The following USP24 variants were observed in gnomAD, a reference collection of about 807,000 sequenced individuals.
USP24 encodes ubiquitin specific peptidase 24.
USP24 carries 97 observed loss-of-function variants against 361.6 expected under a neutral mutation model. The ratio of observed to expected loss-of-function variants is 0.27; its 90% CI spans 0.23 to 0.32. USP24 has a LOEUF of 0.32. Ranked by LOEUF, USP24 falls within the 10% of genes least tolerant of loss-of-function variation. The pLI, the probability that USP24 is intolerant of heterozygous loss-of-function variation, is 1.00. For missense variants in USP24, 2,353 were observed against 3,165.6 expected (o/e 0.74, Z 6.16); for synonymous variants, 1,098 against 1,124.6 (o/e 0.98, Z 0.47).
At chr1:55,193,447 G>C (rs556770856) in intron 1 of USP24, among the ~76,000 whole-genome samples, 1 of 152,172 alleles carries the variant, frequency 6.6e-6, no homozygotes, top group South Asian at 2.1e-4. Flanking sequence ...CTTACATATA[G>C]AGGGTAACCT....
Position 55,162,249 on chromosome 1 carries a change from TC to T in USP24, c.942del (p.Ile315PhefsTer4). 6.3e-7 allele frequency: 1 copy of T among 1,590,954 alleles called. No individual in the cohort carries two copies. Among genetic ancestry groups the T allele is most frequent in the South Asian group, 1.2e-5 (1 of 86,006 alleles). On this transcript the variant is annotated frameshift_variant, in exon 8 of 68. Transcript: ENST00000294383. LOFTEE classifies it high-confidence loss of function. ...EDIELGAVSA[L>X]IQPLGVCAEY... ...TCTGCACACACTCCTAAGGGCTGAATCAGTGCTGAGACAGCCTGGAAAAAGA... is the reference window on the plus strand; with the variant it reads ...TCTGCACACACTCCTAAGGGCTGAATAGTGCTGAGACAGCCTGGAAAAAGA...
chr1:55,068,476 T>C lies in USP24; in HGVS notation c.*569A>G, dbSNP rs1644858233. On this transcript the variant is annotated 3_prime_UTR_variant, in exon 68 of 68. Transcript: ENST00000294383. ...CATAGGGTTCTCATCTAGACCCATC[T>C]GAAATTCTATACAAATAGGGAGACA... 6.6e-6 allele frequency: 1 copy of C among 152,510 alleles called. No homozygotes were observed. The highest frequency in any genetic ancestry group is 1.5e-5 in the Non-Finnish European group (1 of 68,276). 9.4% of individuals were successfully genotyped at this position (152,510 alleles called of 1,614,324 possible).
chr1:55,159,538 C>T, intron 9 of USP24, 73 bp downstream of exon 9: 1 of 1,308,956 alleles, frequency 7.6e-7, no homozygotes, highest in East Asian at 2.5e-5. Flanking sequence ...GGTGTGTGAA[C>T]CCTGCTAAGT....
rs776745504 is a variant in USP24, at chr1:55,129,500, G to T, written c.3612C>A (p.Asn1204Lys). ...ACCTCAAACCGCCAGCTTTGAGGAA[G>T]TTTTCACAGAAGGATTTGGCACAGC... ...ARSCAKSFCE[N>K]FLKAGGLSLV... Residue 1204 changes from asparagine to lysine, a missense_variant, in exon 32 of 68, where the codon AAC becomes AAA. Coordinates refer to ENST00000294383, the MANE Select transcript of USP24 (RefSeq NM_015306.3). The T allele has an allele frequency of 3.7e-6, 6 of 1,613,770 alleles. No individual in the cohort carries two copies. Among genetic ancestry groups the T allele is most frequent in the East Asian group, 4.5e-5 (2 of 44,880 alleles).
rs547958262 is a variant in USP24 at position 55,178,391 on chromosome 1, G to A, written c.325-259C>T. 3.7e-4 allele frequency among the ~76,000 whole-genome samples: 56 copies of A among 152,224 alleles called. 1 individual carries two copies. Among genetic ancestry groups the A allele is most frequent in the South Asian group, 3.1e-3 (15 of 4,818 alleles). On this transcript the variant is annotated intron_variant, in intron 1 of 67. Transcript: ENST00000294383. ...TCGTTAAAAATGAACTGTCCAGGCC[G>A]GGCGCAGTGGCTCACACCTGTAATC...
chr1:55,157,164 C>CA, intron 11 of USP24, 92 bp downstream of exon 11: 7 of 1,330,352 alleles, frequency 5.3e-6, no homozygotes, highest in Non-Finnish European at 7.4e-6. Flanking sequence ...AAGACTAATA[C>CA]AGTCAAAGCA....
At chr1:55,200,958 A>G (rs542191454) in intron 1 of USP24, among the ~76,000 whole-genome samples, 12 of 152,360 alleles carry the variant, frequency 7.9e-5, no homozygotes, top group African/African-American at 2.6e-4. Context: ...GCAGAATACC[A>G]AAGTTCAAAT....
In USP24 at chr1:55,157,296, A is replaced by G. The variant is rs770565883; in HGVS notation, c.1302T>C (p.Asp434=). ...ACAGAACTGAGTTTTCAACTAGCCA[A>G]TCTAATAATCTGTCTGTATCTATAG... The part of the protein sequence containing the change: ...KNAIDTDRLL[D]WLVENSVLSI... Residue 434 remains aspartate, a synonymous_variant, in exon 11 of 68, where the codon GAT becomes GAC. Coordinates refer to ENST00000294383, the MANE Select transcript of USP24 (RefSeq NM_015306.3). 11 of 1,602,952 alleles carry G rather than the reference A, an allele frequency of 6.9e-6. No homozygotes were observed. Among genetic ancestry groups the G allele is most frequent in the Admixed American group, 3.5e-5 (2 of 57,426 alleles).
intron 16 of USP24, chr1:55,151,969 T>C: frequency 1.0e-6 from 1 of 985,774 alleles, no homozygotes; most frequent in Non-Finnish European, 1.2e-6. Flanking sequence ...TCAGCCCACC[T>C]TGCTGCCTGG....
intron 5 of USP24, among the ~76,000 whole-genome samples, chr1:55,168,229 T>C (rs1649082841): frequency 1.3e-5 from 2 of 152,062 alleles, no homozygotes; most frequent in Admixed American, 1.3e-4. Context: ...CTTTCCAATC[T>C]GGAAACATGC....
At position 55,097,143 on chromosome 1, in the gene USP24, G is replaced by T; in HGVS notation, c.5745C>A (p.Tyr1915Ter). ...CTTGGCGAGCCATTCCTGAAACTGT[G>T]TAAGGCTCCATGTTTAGCATCCAGG... ...RFPWMLNMEP[Y>*]TVSGMARQDS... The change falls in exon 49 of 68, where the codon TAC (tyrosine) becomes TAA (stop). Residue 1915 changes from tyrosine (Y) to a stop codon, truncating the protein, a stop_gained. Transcript: ENST00000294383. LOFTEE classifies it high-confidence loss of function. 2 of 1,613,908 alleles carry T rather than the reference G, an allele frequency of 1.2e-6. No homozygotes were observed. The highest frequency in any genetic ancestry group is 1.7e-6 in the Non-Finnish European group (2 of 1,179,864).
chr1:55,079,415 GAAAACTTAATTTGA>G, intron 60 of USP24, 109 bp downstream of exon 60: 4 of 1,342,732 alleles, frequency 3.0e-6, no homozygotes, highest in Non-Finnish European at 4.0e-6. Flanking sequence ...TGACATATAA[GAAAACTTAATTTGA>G]AAGAACCATT....
Position 55,209,842 on chromosome 1 carries a change from T to C in USP24, c.324+4948A>G, listed in dbSNP as rs1239169730. Reference sequence around the variant, plus strand: ...CAGATTTCAGATTCTACTAAATCTTTTTTAACATTTTCTTATTAAAAGTAA... The same window carrying C: ...CAGATTTCAGATTCTACTAAATCTTCTTTAACATTTTCTTATTAAAAGTAA... On this transcript the variant is annotated intron_variant, in intron 1 of 67. Transcript: ENST00000294383. Among the ~76,000 whole-genome samples, 5 of 152,298 alleles carry C rather than the reference T, an allele frequency of 3.3e-5. No individual in the cohort carries two copies. In the East Asian group the frequency reaches 9.7e-4, roughly 29 times the overall value.
At chr1:55,125,848 C>A in intron 32 of USP24, 90 bp from the exon 33 acceptor site, 1 of 1,053,614 alleles carries the variant, frequency 9.5e-7, no homozygotes, top group South Asian at 1.6e-5. Context: ...CAGTCATCAT[C>A]AATTACTTAG....
In USP24 at chr1:55,146,975, C is replaced by T; in HGVS notation, c.2204G>A (p.Trp735Ter). 1 of 1,611,452 alleles carries T rather than the reference C, an allele frequency of 6.2e-7. No individual in the cohort carries two copies. The highest frequency in any genetic ancestry group is 8.5e-7 in the Non-Finnish European group (1 of 1,178,716). Reference protein sequence around the residue: ...YLGWNRAKEIWECLVTGQDVC... With the variant: ...YLGWNRAKEI ...ATCCTGGCCAGTTACAAGACACTCC[C>T]AGATCTCCTTGGCACGATTCCAGCC... The change falls in exon 19 of 68, where the codon TGG becomes TAG. Residue 735 changes from tryptophan (W) to a stop codon, truncating the protein, a stop_gained. Transcript: ENST00000294383. LOFTEE classifies it high-confidence loss of function.
rs2100606937 is a variant in USP24 at position 55,123,512 on chromosome 1, G to A, written c.4211C>T (p.Ser1404Leu). 1.9e-6 allele frequency: 3 copies of A among 1,604,292 alleles called. No homozygotes were observed. Among genetic ancestry groups the A allele is most frequent in the East Asian group, 2.2e-5 (1 of 44,546 alleles). Residue 1404 changes from serine to leucine, a missense_variant, in exon 36 of 68, where the codon TCG (serine) becomes TTG (leucine). This residue lies in a region of USP24 where 949 missense variants were observed against 1,280.5 expected (regional missense o/e 0.74). Coordinates refer to ENST00000294383, the MANE Select transcript of USP24 (RefSeq NM_015306.3). Reference sequence around the variant, plus strand: ...AGACAAAGCCTCTCCCGCAATCAGCGAGTCTTTGGTGGATACAGACTGTTG... The same window carrying A: ...AGACAAAGCCTCTCCCGCAATCAGCAAGTCTTTGGTGGATACAGACTGTTG... ...VRQQSVSTKD[S>L]LIAGEALSLL...
chr1:55,154,807 A>G lies in USP24; in HGVS notation c.1447-29T>C, dbSNP rs181456715. On this transcript the variant is annotated intron_variant, in intron 12 of 67. Transcript: ENST00000294383. The stretch of plus-strand genomic sequence containing the variant: ...GAAAAGGAAACATTGGAAAAAAATT[A>G]AGTCTTGGAACTCGGAACAACCTAA... 1.6e-3 allele frequency: 2,575 copies of G among 1,578,836 alleles called. 5 individuals are homozygous for G. Among genetic ancestry groups the G allele is most frequent in the Non-Finnish European group, 2.1e-3 (2,401 of 1,154,578 alleles).
chr1:55,099,418 C>T (rs1017534160), intron 45 of USP24, among the ~76,000 whole-genome samples: 16 of 151,964 alleles, frequency 1.1e-4, no homozygotes, highest in African/African-American at 3.6e-4. Flanking sequence ...ATTAGCCGGG[C>T]GTGGTGGTGC....
At chr1:55,186,763 G>A (rs1215891750) in intron 1 of USP24, among the ~76,000 whole-genome samples, 2 of 152,150 alleles carry the variant, frequency 1.3e-5, no homozygotes, top group African/African-American at 4.8e-5. Context: ...AGGGCTGGGT[G>A]CAGGGGGGAA....
Sources: gnomAD v4.1 joint callset for allele counts (sites outside exome capture counted in the v4.1 genomes callset) on GRCh38, gnomAD v4.1.1 for gene constraint, gnomAD v4.1.1 regional missense constraint, MANE v1.5 for transcripts, NCBI Gene and HGNC (gene_info 2026-07-23, HGNC 2026-07-21) for gene names.